The following NEMP2 variants were observed in gnomAD, a reference collection of about 807,000 sequenced individuals.
NEMP2 encodes UPF0571 transmembrane protein.
NEMP2 carries 53 observed loss-of-function variants against 54.2 expected under a neutral mutation model. That is an observed-to-expected ratio of 0.98 (90% CI 0.78 to 1.23). The LOEUF is 1.23. Ranked by LOEUF, NEMP2 falls within the 50% of genes most tolerant of loss-of-function variation. The pLI is 0.00. For missense variants in NEMP2, 455 were observed against 511.3 expected (o/e 0.89, Z 1.06); for synonymous variants, 197 against 190.3 (o/e 1.04, Z -0.29).
At chr2:190,596,181 TA>T in the NEMP2 span, among the ~76,000 whole-genome samples, 1 of 152,096 alleles carries the variant, frequency 6.6e-6, no homozygotes, top group Non-Finnish European at 1.5e-5. This position sits in a 1 kb window ranked among gnomAD's most constrained non-coding sequence, Gnocchi z 5.1. Context: ...TTATCACTCA[TA>T]AGTGGGAGTT....
rs1386549924 is a variant in NEMP2 at position 190,530,990 on chromosome 2, C to T, written c.97+3569G>A. Among the ~76,000 whole-genome samples the T allele has an allele frequency of 6.6e-6, 1 of 152,104 alleles. No homozygotes were observed. Among genetic ancestry groups the T allele is most frequent in the Non-Finnish European group, 1.5e-5 (1 of 68,024 alleles). On this transcript the variant is annotated intron_variant, in intron 1 of 8. Transcript: ENST00000409150. The surrounding 1 kb of genome is among the most constrained non-coding windows in gnomAD (Gnocchi z 4.6). ...ACCAGCCTGGGCAATATGGTGAAAC[C>T]CTGTCTTTACCAAAAATAAAAAATT...
At chr2:190,617,708 A>G in the NEMP2 span, among the ~76,000 whole-genome samples, 12 of 152,160 alleles carry the variant, frequency 7.9e-5, no homozygotes, top group Non-Finnish European at 1.6e-4. The surrounding 1 kb of genome is among the most constrained non-coding windows in gnomAD (Gnocchi z 5.0). Flanking sequence ...CTAGAAAATA[A>G]CTTAACAAGA....
At chr2:190,441,243 C>A in the NEMP2 span, among the ~76,000 whole-genome samples, 3 of 152,056 alleles carry the variant, frequency 2.0e-5, no homozygotes, top group South Asian at 6.2e-4. Context: ...AGGGTCTGTT[C>A]TCGTGTCTTC....
chr2:190,469,298 C>G, the NEMP2 span, among the ~76,000 whole-genome samples: 12 of 152,078 alleles, frequency 7.9e-5, no homozygotes, highest in African/African-American at 2.9e-4. This position sits in a 1 kb window ranked among gnomAD's most constrained non-coding sequence, Gnocchi z 5.3. Flanking sequence ...TGAGCAAGGC[C>G]ACATTCGTGT....
the NEMP2 span, among the ~76,000 whole-genome samples, chr2:190,484,129 G>A: frequency 6.6e-6 from 1 of 152,152 alleles, no homozygotes; most frequent in Non-Finnish European, 1.5e-5. Context: ...AATTGTCACT[G>A]AAGGCTCAGT....
At chr2:190,476,196 G>A in the NEMP2 span, among the ~76,000 whole-genome samples, 3 of 152,086 alleles carry the variant, frequency 2.0e-5, no homozygotes, top group African/African-American at 4.8e-5. Flanking sequence ...GGCAACAAAA[G>A]CCAAAATTGA....
chr2:190,508,242 A>C lies in NEMP2; in HGVS notation c.*947T>G, dbSNP rs1253787157. The C allele has an allele frequency of 6.6e-6, 1 of 152,224 alleles. No individual in the cohort carries two copies. Among genetic ancestry groups the C allele is most frequent in the East Asian group, 1.9e-4 (1 of 5,196 alleles). 9.4% of individuals were successfully genotyped at this position (152,224 alleles called of 1,614,324 possible). ...GTATATAAAAATCTTACGTATGTAT[A>C]AAAAACTTTAAAATGTCTTCAGAAA... On this transcript the variant is annotated 3_prime_UTR_variant, in exon 9 of 9. Coordinates refer to ENST00000409150, the MANE Select transcript of NEMP2 (RefSeq NM_001142645.2). The surrounding 1 kb of genome is among the most constrained non-coding windows in gnomAD (Gnocchi z 4.3).
At chr2:190,422,128 G>A in the NEMP2 span, among the ~76,000 whole-genome samples, 1 of 152,094 alleles carries the variant, frequency 6.6e-6, no homozygotes, top group African/African-American at 2.4e-5. Context: ...TTGTTTTCTT[G>A]TAGTGTTCTG....
At chr2:190,483,671 C>G in the NEMP2 span, among the ~76,000 whole-genome samples, 2 of 151,898 alleles carry the variant, frequency 1.3e-5, no homozygotes, top group Non-Finnish European at 1.5e-5. Context: ...CCTGTCTCTA[C>G]TAAGGGTACG....
chr2:190,549,783 C>T, the NEMP2 span, among the ~76,000 whole-genome samples: 1 of 152,072 alleles, frequency 6.6e-6, no homozygotes, highest in African/African-American at 2.4e-5. Flanking sequence ...GGTTCCTTCC[C>T]TAGACATGGA....
At chr2:190,459,775 A>G in the NEMP2 span, among the ~76,000 whole-genome samples, 3 of 152,264 alleles carry the variant, frequency 2.0e-5, no homozygotes, top group Non-Finnish European at 4.4e-5. The surrounding 1 kb of genome is among the most constrained non-coding windows in gnomAD (Gnocchi z 5.3). Context: ...TCTGAACACA[A>G]CAAAATGATT....
chr2:190,541,742 A>AAC, the NEMP2 span, among the ~76,000 whole-genome samples: 2 of 152,216 alleles, frequency 1.3e-5, no homozygotes, highest in Non-Finnish European at 2.9e-5. This position sits in a 1 kb window ranked among gnomAD's most constrained non-coding sequence, Gnocchi z 5.2. Context: ...CAGATTGAAG[A>AAC]ACTCCCTTTA....
the NEMP2 span, among the ~76,000 whole-genome samples, chr2:190,441,365 G>A: frequency 4.6e-5 from 7 of 151,728 alleles, no homozygotes; most frequent in Admixed American, 1.3e-4. Flanking sequence ...GGGGTGTACC[G>A]AGGCATTCAA....
In NEMP2 at chr2:190,513,915, C is replaced by T. The variant is rs1181214582; in HGVS notation, c.953+538G>A. On this transcript the variant is annotated intron_variant, in intron 7 of 8. Transcript: ENST00000409150. This position sits in a 1 kb window ranked among gnomAD's most constrained non-coding sequence, Gnocchi z 5.3. ...CCTGACATGAAAACAGCTGCTCAGA[C>T]TCAATGACTGAGGAGAAACATAACA... Among the ~76,000 whole-genome samples, 5 of 152,170 alleles carry T rather than the reference C, an allele frequency of 3.3e-5. No homozygotes were observed. Among genetic ancestry groups the T allele is most frequent in the Admixed American group, 3.3e-4 (5 of 15,282 alleles).
rs912471485 is a variant in NEMP2, at chr2:190,533,314, T to C, written c.97+1245A>G. Among the ~76,000 whole-genome samples, 15 of 152,200 alleles carry C rather than the reference T, an allele frequency of 9.9e-5. No homozygotes were observed. Among genetic ancestry groups the C allele is most frequent in the African/African-American group, 3.6e-4 (15 of 41,442 alleles). Reference sequence around the variant, plus strand: ...CCTTCCTGCTTAGACAGATTTGTGTTTTATTTTTTCACCAGCATAAAATTG... The same window carrying C: ...CCTTCCTGCTTAGACAGATTTGTGTCTTATTTTTTCACCAGCATAAAATTG... On this transcript the variant is annotated intron_variant, in intron 1 of 8. Transcript: ENST00000409150. This position sits in a 1 kb window ranked among gnomAD's most constrained non-coding sequence, Gnocchi z 4.3.
the NEMP2 span, among the ~76,000 whole-genome samples, chr2:190,491,532 T>C: frequency 6.6e-6 from 1 of 152,168 alleles, no homozygotes; most frequent in African/African-American, 2.4e-5. The surrounding 1 kb of genome is among the most constrained non-coding windows in gnomAD (Gnocchi z 4.2). Flanking sequence ...GTAGCCCTGC[T>C]GGGTGGGCTA....
At chr2:190,451,716 G>C in the NEMP2 span, among the ~76,000 whole-genome samples, 4 of 152,192 alleles carry the variant, frequency 2.6e-5, no homozygotes, top group East Asian at 1.9e-4. The surrounding 1 kb of genome is among the most constrained non-coding windows in gnomAD (Gnocchi z 5.0). Context: ...CTTGGGGACA[G>C]AGAAAACCAC....
the NEMP2 span, among the ~76,000 whole-genome samples, chr2:190,637,976 G>A: frequency 6.6e-6 from 1 of 152,194 alleles, no homozygotes; most frequent in Non-Finnish European, 1.5e-5. The surrounding 1 kb of genome is among the most constrained non-coding windows in gnomAD (Gnocchi z 4.5). Context: ...TCCTTGTCAG[G>A]AAACAAATGC....
chr2:190,642,965 CA>C, the NEMP2 span, among the ~76,000 whole-genome samples: 3 of 131,572 alleles, frequency 2.3e-5, no homozygotes, highest in Non-Finnish European at 3.2e-5. The surrounding 1 kb of genome is among the most constrained non-coding windows in gnomAD (Gnocchi z 4.1). Flanking sequence ...CAACTTCTTA[CA>C]TTTTTTTTTT....
Sources: allele counts gnomAD v4.1 joint callset (sites outside exome capture counted in the v4.1 genomes callset), GRCh38; gene constraint gnomAD v4.1.1; non-coding constraint Gnocchi (gnomAD v3.1); transcripts MANE v1.5; gene names NCBI Gene and HGNC (gene_info 2026-07-23, HGNC 2026-07-21).